Variants in CDH12 observed in about 807,000 individuals in gnomAD.
CDH12 encodes the protein cadherin-12.
A neutral mutation model predicts 74.1 loss-of-function variants in CDH12; 41 were observed. The observed-to-expected ratio is 0.55, with a 90% confidence interval of 0.43 to 0.72. CDH12 has a LOEUF of 0.72. Ranked by LOEUF, CDH12 falls within the 30% of genes least tolerant of loss-of-function variation. CDH12 has a pLI of 0.00. For synonymous variants in CDH12, 399 were observed against 355.0 expected (o/e 1.12, Z -1.39); for missense variants, 945 against 977.2 (o/e 0.97, Z 0.44).
At chr5:22,420,085 G>A (rs537228014) in intron 2 of CDH12, among the ~76,000 whole-genome samples, 1 of 152,028 alleles carries the variant, frequency 6.6e-6, no homozygotes, top group South Asian at 2.1e-4. Context: ...ACCTTTGTCA[G>A]ATGGATACAT....
chr5:22,437,427 C>A lies in CDH12; in HGVS notation c.-427-32076G>T, dbSNP rs1744442986. Among the ~76,000 whole-genome samples, 4 of 150,770 alleles carry A rather than the reference C, an allele frequency of 2.7e-5. No homozygotes were observed. In the South Asian group the frequency reaches 6.3e-4, roughly 24 times the overall value. On this transcript the variant is annotated intron_variant, in intron 2 of 14. Coordinates refer to ENST00000382254, the MANE Select transcript of CDH12 (RefSeq NM_004061.5). ...TAATACAAACTATTTTTTTTCAACC[C>A]CAATACAAAGTCTAGTCTTAGCGGC...
At chr5:22,792,380 C>T (rs1305149392) in intron 1 of CDH12, among the ~76,000 whole-genome samples, 6 of 152,166 alleles carry the variant, frequency 3.9e-5, no homozygotes, top group South Asian at 4.1e-4. Flanking sequence ...TGAGCCACCA[C>T]GCCCGGCCTG....
intron 6 of CDH12, among the ~76,000 whole-genome samples, chr5:21,961,101 A>G (rs1756339771): frequency 6.6e-6 from 1 of 151,950 alleles, no homozygotes. Context: ...ACTAATTTTT[A>G]TTTGTTCATC....
At chr5:22,791,513 A>G (rs1747904330) in intron 1 of CDH12, among the ~76,000 whole-genome samples, 1 of 152,228 alleles carries the variant, frequency 6.6e-6, no homozygotes, top group Non-Finnish European at 1.5e-5. Flanking sequence ...GACATTGTTC[A>G]GGCTGATGAG....
chr5:22,458,253 C>G lies in CDH12; in HGVS notation c.-428+47017G>C, dbSNP rs145608098. On this transcript the variant is annotated intron_variant, in intron 2 of 14. Transcript: ENST00000382254. ...TCCTTGGTTGGTAGATGCATAACTCCAATTTCTGTCTCTGTTGTCACATGA... is the reference window on the plus strand; with the variant it reads ...TCCTTGGTTGGTAGATGCATAACTCGAATTTCTGTCTCTGTTGTCACATGA... 6.2e-4 allele frequency among the ~76,000 whole-genome samples: 94 copies of G among 152,254 alleles called. No homozygotes were observed. The East Asian group carries it at 0.018, about 29-fold the overall frequency.
At chr5:22,608,718 GT>G (rs1737242357) in intron 1 of CDH12, among the ~76,000 whole-genome samples, 1 of 152,108 alleles carries the variant, frequency 6.6e-6, no homozygotes, top group Admixed American at 6.5e-5. Flanking sequence ...TCAGGGAGCA[GT>G]TTCCCCCATT....
intron 9 of CDH12, among the ~76,000 whole-genome samples, chr5:21,810,517 C>T (rs1456985504): frequency 2.0e-5 from 3 of 152,074 alleles, no homozygotes; most frequent in Admixed American, 2.0e-4. Context: ...CATGAGTAGG[C>T]AGACTTTTGT....
At chr5:22,401,359 T>C (rs566956441) in intron 3 of CDH12, among the ~76,000 whole-genome samples, 1 of 152,200 alleles carries the variant, frequency 6.6e-6, no homozygotes, top group Non-Finnish European at 1.5e-5. Context: ...GATCTCTACC[T>C]ACCAAAAAGC....
intron 5 of CDH12, among the ~76,000 whole-genome samples, chr5:21,976,190 T>G (rs1291114970): frequency 6.6e-6 from 1 of 152,156 alleles, no homozygotes; most frequent in African/African-American, 2.4e-5. Flanking sequence ...ATTCTATATA[T>G]AGAATATTTA....
intron 1 of CDH12, among the ~76,000 whole-genome samples, chr5:22,582,009 G>C (rs1004378191): frequency 6.6e-6 from 1 of 152,062 alleles, no homozygotes; most frequent in Non-Finnish European, 1.5e-5. Flanking sequence ...TTTTATGAGA[G>C]TAAGGGTAGA....
At chr5:22,223,835 G>T (rs917205083) in intron 3 of CDH12, among the ~76,000 whole-genome samples, 1 of 152,002 alleles carries the variant, frequency 6.6e-6, no homozygotes. Flanking sequence ...CCAACGAATA[G>T]AGCATGGTCA....
chr5:22,241,889 T>G (rs1752763591), intron 3 of CDH12, among the ~76,000 whole-genome samples: 1 of 152,056 alleles, frequency 6.6e-6, no homozygotes, highest in South Asian at 2.1e-4. Flanking sequence ...TATCTGGAAT[T>G]TCCCCATTTG....
At chr5:22,300,967 TTAA>T (rs770639336) in intron 3 of CDH12, among the ~76,000 whole-genome samples, 169 of 152,330 alleles carry the variant, frequency 1.1e-3, no homozygotes, top group Middle Eastern at 6.8e-3. Flanking sequence ...ATAAAATGGA[TTAA>T]TATTTTGCAT....
intron 5 of CDH12, among the ~76,000 whole-genome samples, chr5:22,005,533 T>G (rs1181228534): frequency 2.0e-5 from 3 of 152,006 alleles, no homozygotes; most frequent in Admixed American, 6.6e-5. Context: ...CAACCTGCTT[T>G]GACCTCAAAC....
In CDH12 at chr5:21,752,168, C is replaced by G; in HGVS notation, c.1954G>C (p.Asp652His). ...KKDTLMTSKE[D>H]IRDNVIHYDD... is the part of the protein sequence containing the mutation. ...TAATGGATGACGTTGTCTCTGATGT[C>G]TTCTTTAGAGGTCATCAGGGTGTCT... The change falls in exon 15 of 15, where the codon GAC (aspartate) becomes CAC (histidine). Residue 652 changes from aspartate to histidine, a missense_variant. By Grantham distance (81) the Asp-to-His change is moderately conservative (BLOSUM62 -1). Around this residue, in one of 3 missense-constraint regions of CDH12, gnomAD observed 791 missense variants for 792.8 expected, o/e 1.00. Coordinates refer to ENST00000382254, the MANE Select transcript of CDH12 (RefSeq NM_004061.5). The G allele has an allele frequency of 6.2e-7, 1 of 1,614,008 alleles. No individual in the cohort carries two copies. The highest frequency in any genetic ancestry group is 8.5e-7 in the Non-Finnish European group (1 of 1,179,948).
At chr5:22,567,431 C>G (rs1739340226) in intron 1 of CDH12, among the ~76,000 whole-genome samples, 1 of 152,176 alleles carries the variant, frequency 6.6e-6, no homozygotes, top group African/African-American at 2.4e-5. Flanking sequence ...TCTTATCTCT[C>G]AATGTCAGGG....
At chr5:22,592,781 G>A (rs953501037) in intron 1 of CDH12, among the ~76,000 whole-genome samples, 20 of 150,118 alleles carry the variant, frequency 1.3e-4, no homozygotes, top group African/African-American at 2.5e-4. Context: ...TAGCTCACGC[G>A]TGTAATCCCA....
intron 3 of CDH12, among the ~76,000 whole-genome samples, chr5:22,287,033 A>G (rs1737167956): frequency 2.6e-5 from 4 of 152,162 alleles, no homozygotes; most frequent in Admixed American, 2.6e-4. Context: ...AAATGTTCCA[A>G]TGGAGGAGGC....
chr5:22,396,931 G>T (rs1742485790), intron 3 of CDH12, among the ~76,000 whole-genome samples: 1 of 151,866 alleles, frequency 6.6e-6, no homozygotes, highest in Admixed American at 6.6e-5. Flanking sequence ...TTTCTTATCT[G>T]CCATTTACTC....
Sources: gnomAD v4.1 joint callset for allele counts (sites outside exome capture counted in the v4.1 genomes callset) on GRCh38, gnomAD v4.1.1 for gene constraint, gnomAD v4.1.1 regional missense constraint, MANE v1.5 for transcripts, NCBI Gene and HGNC (gene_info 2026-07-23, HGNC 2026-07-21) for gene names.